Variants in PALLD observed in about 807,000 individuals in gnomAD.
PALLD encodes palladin.
PALLD carries 61 observed loss-of-function variants against 123.5 expected under a neutral mutation model. The ratio of observed to expected loss-of-function variants is 0.49; its 90% confidence interval spans 0.40 to 0.61. The LOEUF (loss-of-function observed/expected upper bound fraction) is 0.61, where lower values mean the gene tolerates loss of function less well. Among genes scored for constraint, PALLD ranks in the 20% least tolerant of loss-of-function variants. The probability of loss-of-function intolerance (pLI) is 0.00; values close to 1 mark genes in which losing one functional copy is unlikely to be tolerated. For missense variants in PALLD, 1,273 were observed against 1,377.0 expected, an observed-to-expected ratio of 0.92 and a Z score of 1.20; for synonymous variants, 465 against 496.4, an observed-to-expected ratio of 0.94 and a Z score of 0.84.
At chr4:168,666,276 G>T (rs1283480579) in intron 2 of PALLD, among the ~76,000 whole-genome samples, 1 of 152,050 alleles carries the variant, frequency 6.6e-6, no homozygotes, top group Non-Finnish European at 1.5e-5. Context: ...TCCCCCAGTA[G>T]GTGGTTTATA....
chr4:168,572,291 C>A (rs977952052), intron 2 of PALLD, among the ~76,000 whole-genome samples: 1 of 152,046 alleles, frequency 6.6e-6, no homozygotes, highest in African/African-American at 2.4e-5. Context: ...TATACCACAT[C>A]CATGATCTGA....
At chr4:168,498,038 C>T (rs115773751) in intron 1 of PALLD, among the ~76,000 whole-genome samples, 3,626 of 152,288 alleles carry the variant, frequency 0.024, 46 homozygotes, top group Middle Eastern at 0.031. Flanking sequence ...CACATATATG[C>T]AGAAATTAAA....
At chr4:168,575,493 A>G (rs1442350026) in intron 2 of PALLD, among the ~76,000 whole-genome samples, 1 of 151,996 alleles carries the variant, frequency 6.6e-6, no homozygotes, top group Non-Finnish European at 1.5e-5. Context: ...CTCCCTCAAC[A>G]TGTGGGGATT....
chr4:168,635,752 G>C (rs1246357680), intron 2 of PALLD, among the ~76,000 whole-genome samples: 1 of 152,196 alleles, frequency 6.6e-6, no homozygotes, highest in African/African-American at 2.4e-5. Flanking sequence ...AACCCTTCAT[G>C]GTTGCTGGTC....
intron 3 of PALLD, chr4:168,677,923 G>C (rs1300074879): frequency 6.5e-6 from 1 of 152,974 alleles, no homozygotes; most frequent in Non-Finnish European, 1.5e-5. Flanking sequence ...CCTGTGTTTC[G>C]AGATTTGCCT....
intron 10 of PALLD, among the ~76,000 whole-genome samples, chr4:168,767,345 A>G (rs540657225): frequency 1.3e-5 from 2 of 152,296 alleles, no homozygotes; most frequent in South Asian, 4.2e-4. Flanking sequence ...ACAAACACAT[A>G]GAATGATTTC....
At chr4:168,613,944 C>T (rs1212884065) in intron 2 of PALLD, among the ~76,000 whole-genome samples, 1 of 152,218 alleles carries the variant, frequency 6.6e-6, no homozygotes, top group Non-Finnish European at 1.5e-5. Context: ...CATCCTGCTG[C>T]CCTCCAGACC....
intron 18 of PALLD, among the ~76,000 whole-genome samples, chr4:168,923,580 A>T (rs1560933665): frequency 9.3e-6 from 1 of 108,046 alleles, no homozygotes; most frequent in Non-Finnish European, 2.1e-5. Flanking sequence ...ATAGTACTAA[A>T]GTTGTCTTTT....
intron 11 of PALLD, among the ~76,000 whole-genome samples, chr4:168,893,097 A>G (rs1468631753): frequency 1.3e-5 from 2 of 152,216 alleles, no homozygotes; most frequent in South Asian, 2.1e-4. Context: ...TAGCAGGTGC[A>G]TTCTGGTGAA....
rs1554074716 is a variant in PALLD, at chr4:168,741,343, T to TCGTGTG, written c.1964+29420_1964+29421insCGTGTG. Among the ~76,000 whole-genome samples the TCGTGTG allele has an allele frequency of 5.3e-5, 6 of 112,654 alleles. No homozygotes were observed. In the East Asian group the frequency reaches 2.0e-3, roughly 37 times the overall value. The allele number at this position is 112,654 out of a possible 152,430, so 73.9% of individuals were successfully genotyped here. A position where few individuals can be genotyped will look rare whatever the true frequency, so the allele number is the denominator to read the frequency against. On this transcript the variant is annotated intron_variant, in intron 10 of 21. Coordinates refer to ENST00000505667, the MANE Select transcript of PALLD (RefSeq NM_001166108.2). ...AAAACATTCCTTCCTTATATTTGTT[T>TCGTGTG]TTTTTGTGTGTGTGTGTGTGTGTGA... is the stretch of plus-strand genomic sequence containing the variant.
chr4:168,773,994 G>A (rs1003598540), intron 10 of PALLD, among the ~76,000 whole-genome samples: 6 of 151,574 alleles, frequency 4.0e-5, no homozygotes, highest in Admixed American at 3.9e-4. Flanking sequence ...CTGGGAATAA[G>A]AGTTGGAAAT....
At position 168,512,372 on chromosome 4, in the gene PALLD, C is replaced by A; in HGVS notation, c.868C>A (p.Leu290Met). 6.2e-7 allele frequency: 1 copy of A among 1,613,882 alleles called. No homozygotes were observed. The highest frequency in any genetic ancestry group is 8.5e-7 in the Non-Finnish European group (1 of 1,180,028). ...AGTAGCAGAAGGGAGCCGAGTTTAT[C>A]TGGAGTGTAGAGTCACTGGAAACCC... ...QEVAEGSRVY[L>M]ECRVTGNPTP... The change falls in exon 2 of 22, where the codon CTG becomes ATG. Residue 290 changes from leucine to methionine, a missense_variant. This residue lies in a region of PALLD where 944 missense variants were observed against 954.5 expected (regional missense o/e 0.99). Transcript: ENST00000505667.
intron 2 of PALLD, among the ~76,000 whole-genome samples, chr4:168,516,108 T>C (rs1325132524): frequency 6.6e-6 from 1 of 152,094 alleles, no homozygotes; most frequent in African/African-American, 2.4e-5. Context: ...TTATTGCATA[T>C]CCAACAAAAT....
intron 14 of PALLD, among the ~76,000 whole-genome samples, chr4:168,901,236 T>C (rs547928775): frequency 5.9e-5 from 9 of 152,240 alleles, no homozygotes; most frequent in Non-Finnish European, 8.8e-5. Context: ...AATATTCATG[T>C]TTAAAGAAAT....
rs1384184352 is a variant in PALLD, at chr4:168,695,257, A to G, written c.1501+3965A>G. The stretch of plus-strand genomic sequence containing the variant: ...GTTAAATGTACTAAGGTGCTGTTGT[A>G]GGAGGGCAATGATAGGGATGTTTCT... On this transcript the variant is annotated intron_variant, in intron 8 of 21. Coordinates refer to ENST00000505667, the MANE Select transcript of PALLD (RefSeq NM_001166108.2). Among the ~76,000 whole-genome samples, 4 of 152,174 alleles carry G rather than the reference A, an allele frequency of 2.6e-5. No individual in the cohort carries two copies. In the East Asian group the frequency reaches 7.7e-4, roughly 29 times the overall value.
At chr4:168,918,166 G>A (rs1582174703) in intron 17 of PALLD, among the ~76,000 whole-genome samples, 2 of 145,350 alleles carry the variant, frequency 1.4e-5, no homozygotes, top group African/African-American at 5.1e-5. Flanking sequence ...CTGGGCAACA[G>A]AACAAGACTC....
At chr4:168,863,003 T>G (rs1334014592) in intron 10 of PALLD, among the ~76,000 whole-genome samples, 1 of 152,210 alleles carries the variant, frequency 6.6e-6, no homozygotes, top group Non-Finnish European at 1.5e-5. Context: ...ACACCTTCTC[T>G]GCCCTTCACC....
intron 2 of PALLD, among the ~76,000 whole-genome samples, chr4:168,513,180 AAC>A (rs1459962021): frequency 6.6e-6 from 1 of 152,110 alleles, no homozygotes; most frequent in African/African-American, 2.4e-5. Context: ...CAGTAACATA[AAC>A]ACACACACAC....
chr4:168,823,799 C>T (rs576753473), intron 10 of PALLD, among the ~76,000 whole-genome samples: 9 of 152,318 alleles, frequency 5.9e-5, no homozygotes, highest in East Asian at 1.9e-4. Context: ...AATATGACAA[C>T]GAAGCAGGTG....
Sources: gnomAD v4.1 joint callset for allele counts (sites outside exome capture counted in the v4.1 genomes callset) on GRCh38, gnomAD v4.1.1 for gene constraint, gnomAD v4.1.1 regional missense constraint, MANE v1.5 for transcripts, NCBI Gene and HGNC (gene_info 2026-07-23, HGNC 2026-07-21) for gene names.